GNA14: variants seen among roughly 807,000 people sequenced by gnomAD.
GNA14 encodes the protein guanine nucleotide-binding protein subunit alpha-14.
In GNA14, 50 loss-of-function variants were observed where a neutral mutation model predicts 42.0. That is an observed-to-expected ratio of 1.19 (90% CI 0.95 to 1.51). The LOEUF is 1.51. Among genes scored for constraint, GNA14 ranks in the 40% most tolerant of loss-of-function variants. The pLI, the probability that GNA14 is intolerant of heterozygous loss-of-function variation, is 0.00. For missense variants in GNA14, 473 were observed against 446.2 expected (o/e 1.06, Z -0.54); for synonymous variants, 173 against 163.1 (o/e 1.06, Z -0.46).
At chr9:77,598,368 C>T (rs1184861664) in intron 1 of GNA14, among the ~76,000 whole-genome samples, 1 of 152,114 alleles carries the variant, frequency 6.6e-6, no homozygotes, top group Non-Finnish European at 1.5e-5. Flanking sequence ...GCTCCAAATC[C>T]ACTCCCATGA....
intron 1 of GNA14, among the ~76,000 whole-genome samples, chr9:77,582,691 T>C (rs1421123936): frequency 6.6e-6 from 1 of 152,224 alleles, no homozygotes; most frequent in African/African-American, 2.4e-5. Context: ...GTCATATGAC[T>C]TGACACCTCC....
At chr9:77,465,338 G>T (rs1279421941) in intron 2 of GNA14, among the ~76,000 whole-genome samples, 2 of 152,078 alleles carry the variant, frequency 1.3e-5, no homozygotes, top group Non-Finnish European at 2.9e-5. Context: ...CCTGCTGTAG[G>T]GCATGTACTT....
chr9:77,530,207 G>A (rs1350068074), intron 1 of GNA14, among the ~76,000 whole-genome samples: 1 of 152,154 alleles, frequency 6.6e-6, no homozygotes, highest in Non-Finnish European at 1.5e-5. Flanking sequence ...GATCATGGGG[G>A]TGGTTTCTCA....
rs577739371 is a variant in GNA14, at chr9:77,500,445, A to G, written c.309+28624T>C. On this transcript the variant is annotated intron_variant, in intron 2 of 6. Coordinates refer to ENST00000341700, the MANE Select transcript of GNA14 (RefSeq NM_004297.4). ...AAAAAATAGTACAGAGAGATCTTGT[A>G]TAACATTTACCCAATTTCCTCCAAT... Among the ~76,000 whole-genome samples, 9 of 152,372 alleles carry G rather than the reference A, an allele frequency of 5.9e-5. No homozygotes were observed. In the South Asian group the frequency reaches 1.4e-3, roughly 25 times the overall value.
chr9:77,608,803 C>T (rs1183930436), intron 1 of GNA14, among the ~76,000 whole-genome samples: 1 of 149,600 alleles, frequency 6.7e-6, no homozygotes, highest in African/African-American at 2.5e-5. Context: ...AGCACCTTGG[C>T]GATGGCCCAA....
chr9:77,642,596 T>C (rs750523124), intron 1 of GNA14, among the ~76,000 whole-genome samples: 1 of 151,972 alleles, frequency 6.6e-6, no homozygotes, highest in African/African-American at 2.4e-5. Context: ...TGAAACCCTG[T>C]CTCTACTAAA....
At chr9:77,607,607 T>TA (rs1223634580) in intron 1 of GNA14, among the ~76,000 whole-genome samples, 4 of 152,218 alleles carry the variant, frequency 2.6e-5, no homozygotes, top group Non-Finnish European at 5.9e-5. Context: ...CAAACTTCTT[T>TA]AAGTGCTGAA....
intron 1 of GNA14, among the ~76,000 whole-genome samples, chr9:77,603,735 G>A (rs1823604058): frequency 6.6e-6 from 1 of 152,022 alleles, no homozygotes; most frequent in South Asian, 2.1e-4. Flanking sequence ...GGAGGCCGAG[G>A]AGGGCAGATC....
chr9:77,475,736 ACATG>A (rs1836408346), intron 2 of GNA14, among the ~76,000 whole-genome samples: 1 of 152,214 alleles, frequency 6.6e-6, no homozygotes, highest in Admixed American at 6.5e-5. Flanking sequence ...AGGGGACCGG[ACATG>A]CATTCTTGGG....
intron 2 of GNA14, 111 bp from the exon 3 acceptor site, chr9:77,434,633 G>T: frequency 1.1e-6 from 1 of 927,488 alleles, no homozygotes; most frequent in Non-Finnish European, 1.6e-6. Context: ...CTCTCACTAG[G>T]CATGGGGCGT....
intron 1 of GNA14, among the ~76,000 whole-genome samples, chr9:77,535,705 T>C (rs1014172790): frequency 1.3e-5 from 2 of 152,050 alleles, no homozygotes; most frequent in African/African-American, 4.8e-5. Flanking sequence ...CCTTGTCAGG[T>C]CTAATAATTT....
At chr9:77,635,291 G>T (rs1488270375) in intron 1 of GNA14, 1 of 152,150 alleles carries the variant, frequency 6.6e-6, no homozygotes, top group Non-Finnish European at 1.5e-5. Flanking sequence ...TTTAGTATAT[G>T]TGCTGCTGAA....
chr9:77,548,935 CT>C lies in GNA14; in HGVS notation c.125-19683del, dbSNP rs532648214. Among the ~76,000 whole-genome samples, 1,105 of 148,204 alleles carry C rather than the reference CT, an allele frequency of 7.5e-3. 22 individuals carry two copies. The highest frequency in any genetic ancestry group is 0.025 in the African/African-American group (1,028 of 40,794). ...TTTACTATTTAATGAGAAAGCCTTTCTTTTTTTTTTTCTTTTTTTTTCTAAG... is the reference window on the plus strand; with the variant it reads ...TTTACTATTTAATGAGAAAGCCTTTCTTTTTTTTTTCTTTTTTTTTCTAAG... On this transcript the variant is annotated intron_variant, in intron 1 of 6. Transcript: ENST00000341700.
intron 1 of GNA14, among the ~76,000 whole-genome samples, chr9:77,579,244 A>G (rs1823177306): frequency 6.6e-6 from 1 of 152,228 alleles, no homozygotes; most frequent in Admixed American, 6.5e-5. Context: ...GAAGGAGCAG[A>G]GCAGGTGGAG....
rs1835414422 is a variant in GNA14, at chr9:77,424,034, G to T, written c.1013C>A (p.Ala338Asp). 6.2e-7 allele frequency: 1 copy of T among 1,610,536 alleles called. No individual in the cohort carries two copies. The highest frequency in any genetic ancestry group is 8.5e-7 in the Non-Finnish European group (1 of 1,178,250). Residue 338 changes from alanine (A) to aspartate (D), a missense_variant, in exon 7 of 7, where the codon GCT becomes GAT. Ala to Asp is a moderately radical substitution (Grantham distance 126, BLOSUM62 -2). Transcript: ENST00000341700. ...CTGTAGAATTGTGTCTTTGACAGCAGCAAACACAAAGCGAATATTGTCTGT... is the reference window on the plus strand; with the variant it reads ...CTGTAGAATTGTGTCTTTGACAGCATCAAACACAAAGCGAATATTGTCTGT... ...TDTDNIRFVFAAVKDTILQLN... is the reference protein window; with the variant it reads ...TDTDNIRFVFDAVKDTILQLN...
At chr9:77,483,281 G>C (rs1029495168) in intron 2 of GNA14, among the ~76,000 whole-genome samples, 3 of 151,878 alleles carry the variant, frequency 2.0e-5, no homozygotes, top group Non-Finnish European at 4.4e-5. Context: ...CAGACAGGAC[G>C]CTCAGCTGCA....
chr9:77,600,346 C>T lies in GNA14; in HGVS notation c.124+47324G>A, dbSNP rs190081355. ...ATAGAGTTCAAGAAAGAGCTTTCAT[C>T]AGTAAAGACAATTTTTTAAACCATT... is the stretch of plus-strand genomic sequence containing the variant. On this transcript the variant is annotated intron_variant, in intron 1 of 6. Coordinates refer to ENST00000341700, the MANE Select transcript of GNA14 (RefSeq NM_004297.4). 2.0e-5 allele frequency among the ~76,000 whole-genome samples: 3 copies of T among 152,306 alleles called. No homozygotes were observed. In the East Asian group the frequency reaches 5.8e-4, roughly 29 times the overall value.
At chr9:77,603,972 A>AAAAAAAAAAAAC (rs1564064436) in intron 1 of GNA14, among the ~76,000 whole-genome samples, 2 of 148,506 alleles carry the variant, frequency 1.3e-5, no homozygotes, top group East Asian at 2.0e-4. Flanking sequence ...AAAAAAAAAA[A>AAAAAAAAAAAAC]AAAAAAAAAC....
At chr9:77,428,331 G>A (rs1005327035) in intron 5 of GNA14, among the ~76,000 whole-genome samples, 61 of 151,964 alleles carry the variant, frequency 4.0e-4, no homozygotes, top group Non-Finnish European at 7.2e-4. Flanking sequence ...CACCTGCCTC[G>A]GCCTCCCAAA....
Sources: allele counts gnomAD v4.1 joint callset (sites outside exome capture counted in the v4.1 genomes callset), GRCh38; gene constraint gnomAD v4.1.1; transcripts MANE v1.5; gene names NCBI Gene and HGNC (gene_info 2026-07-23, HGNC 2026-07-21).